The following SMUG1 variants were observed in gnomAD, a reference collection of about 807,000 sequenced individuals.
The protein encoded by SMUG1 is single-strand-selective monofunctional uracil-DNA glycosylase 1, also known as single-strand selective monofunctional uracil DNA glycosylase.
A neutral mutation model predicts 23.9 loss-of-function variants in SMUG1; 13 were observed. The ratio of observed to expected loss-of-function variants is 0.54; its 90% confidence interval spans 0.35 to 0.86. The LOEUF (loss-of-function observed/expected upper bound fraction) is 0.86. SMUG1 is among the 40% of genes least tolerant of loss of function. The pLI is 0.01. For missense variants in SMUG1, 313 were observed against 339.5 expected, an observed-to-expected ratio of 0.92 and a Z score of 0.61; for synonymous variants, 133 against 139.8, an observed-to-expected ratio of 0.95 and a Z score of 0.34.
chr12:54,182,392 T>A lies in SMUG1; in HGVS notation c.517A>T (p.Ser173Cys), dbSNP rs777923361. Residue 173 changes from serine (S) to cysteine (C), a missense_variant, in exon 4 of 4, where the codon AGC becomes TGC. Physicochemically the swap from Ser to Cys is moderately radical, Grantham distance 112. Transcript: ENST00000682136. ...TCAGCAGGAGTAAGGTTGCGCCCGC[T>A]GGGAGCCAGGAAAAGCAGAGGGCAT... ...NLCPLLFLAP[S>C]GRNLTPAELP... 1.2e-6 allele frequency: 2 copies of A among 1,614,146 alleles called. No individual in the cohort carries two copies. Among genetic ancestry groups the A allele is most frequent in the South Asian group, 2.2e-5 (2 of 91,084 alleles).
chr12:54,188,276 TAATAATAATAATAATAATAAATAATAATA>T (rs1942945747), intron 1 of SMUG1, among the ~76,000 whole-genome samples: 2 of 29,630 alleles, frequency 6.7e-5, no homozygotes, highest in Admixed American at 7.4e-4. Context: ...GAAATAATAA[TAATAATAATAATAATAATAAATAATAATA>T]ATAATAATAA....
chr12:54,160,767 T>C (rs1940227608), downstream of SMUG1, among the ~76,000 whole-genome samples: 1 of 152,214 alleles, frequency 6.6e-6, no homozygotes, highest in Non-Finnish European at 1.5e-5. Context: ...CCTTTTCTGT[T>C]ACCCCAACCT....
In SMUG1 at chr12:54,183,822, G is replaced by C; in HGVS notation, c.119C>G (p.Ala40Gly). ...CGAAAACTGCAGCTGGCTCAGCTCA[G>C]CATTGAGCCGAAGCTCCTCCTCCAG... is the stretch of plus-strand genomic sequence containing the variant. Reference protein sequence around the residue: ...SFLEEELRLNAELSQLQFSEP... With the variant: ...SFLEEELRLNGELSQLQFSEP... The change falls in exon 3 of 4, where the codon GCT (alanine) becomes GGT (glycine). Residue 40 changes from alanine to glycine, a missense_variant. Ala to Gly is a moderately conservative substitution (Grantham distance 60). Transcript: ENST00000682136. The C allele has an allele frequency of 1.9e-6, 3 of 1,614,042 alleles. No individual in the cohort carries two copies. Among genetic ancestry groups the C allele is most frequent in the Non-Finnish European group, 2.5e-6 (3 of 1,179,974 alleles).
chr12:54,158,845 T>C (rs1940131337), intron 4 of SMUG1, among the ~76,000 whole-genome samples: 2 of 152,144 alleles, frequency 1.3e-5, no homozygotes, highest in Admixed American at 1.3e-4. Flanking sequence ...ATAAAAAGCT[T>C]TCCAAACCTC....
chr12:54,161,064 C>G (rs532140441), downstream of SMUG1, among the ~76,000 whole-genome samples: 1 of 152,296 alleles, frequency 6.6e-6, no homozygotes, highest in East Asian at 1.9e-4. The surrounding 1 kb of genome is among the most constrained non-coding windows in gnomAD (Gnocchi z 4.2). Context: ...TCCCACCAGC[C>G]TCCACTGTCC....
chr12:54,174,781 G>A (rs747211433), intron 2 of SMUG1, among the ~76,000 whole-genome samples: 1 of 152,226 alleles, frequency 6.6e-6, no homozygotes, highest in Admixed American at 6.5e-5. Flanking sequence ...GTCCTTGAAT[G>A]AGATGTAGGG....
At chr12:54,169,102 T>C (rs1485693971) in intron 3 of SMUG1, among the ~76,000 whole-genome samples, 1 of 151,936 alleles carries the variant, frequency 6.6e-6, no homozygotes, top group Non-Finnish European at 1.5e-5. Flanking sequence ...AGAAGACAGG[T>C]CACATCTGGG....
chr12:54,173,473 C>T (rs1196379059), intron 2 of SMUG1, among the ~76,000 whole-genome samples: 1 of 152,066 alleles, frequency 6.6e-6, no homozygotes, highest in Non-Finnish European at 1.5e-5. Flanking sequence ...GCGGGCGCGG[C>T]GCCGGGAGCT....
chr12:54,183,627 C>G, intron 3 of SMUG1, 29 bp downstream of exon 3: 1 of 1,611,046 alleles, frequency 6.2e-7, no homozygotes, highest in Non-Finnish European at 8.5e-7. Flanking sequence ...ACCCCCCACT[C>G]CACCCACTGG....
Position 54,181,862 on chromosome 12 carries a change from G to A in SMUG1, c.*234C>T, listed in dbSNP as rs543989443. 7.6e-4 allele frequency: 1,078 copies of A among 1,422,148 alleles called. 1 individual carries two copies. The highest frequency in any genetic ancestry group is 9.2e-4 in the Non-Finnish European group (1,011 of 1,093,852). 88.1% of individuals were successfully genotyped at this position (1,422,148 alleles called of 1,614,324 possible). On this transcript the variant is annotated 3_prime_UTR_variant, in exon 4 of 4. Coordinates refer to ENST00000682136, the MANE Select transcript of SMUG1 (RefSeq NM_001243787.2). ...GATTCCCTACAAAGTGGGGTCCCCT[G>A]AAAGGGGCAATGTTAAAAGGTAAAG...
intron 2 of SMUG1, among the ~76,000 whole-genome samples, chr12:54,173,494 A>C (rs998774647): frequency 3.9e-5 from 6 of 152,198 alleles, no homozygotes; most frequent in Non-Finnish European, 8.8e-5. Flanking sequence ...GGCTCGTAAA[A>C]GCCGCGTCGA....
intron 3 of SMUG1, among the ~76,000 whole-genome samples, chr12:54,166,360 CATAAATAAATAG>C (rs756006994): frequency 2.6e-5 from 4 of 152,064 alleles, no homozygotes; most frequent in Non-Finnish European, 4.4e-5. Context: ...GACTGTGTCA[CATAAATAAATAG>C]ATAAATAAAT....
chr12:54,188,295 AAATAATAAT>A (rs757369651), intron 1 of SMUG1, among the ~76,000 whole-genome samples: 2,260 of 68,830 alleles, frequency 0.033, 24 homozygotes, highest in Non-Finnish European at 0.039. Context: ...TAATAATAAT[AAATAATAAT>A]AATAATAATA....
At chr12:54,182,835 G>A (rs761878460) in intron 3 of SMUG1, 1 of 1,002,888 alleles carries the variant, frequency 1.0e-6, no homozygotes, top group African/African-American at 1.6e-5. Context: ...TGGTCCAGAA[G>A]AATTTGTTTC....
chr12:54,162,965 A>G (rs1940319674), downstream of SMUG1, among the ~76,000 whole-genome samples: 1 of 152,186 alleles, frequency 6.6e-6, no homozygotes. Context: ...GATGGGCCGG[A>G]ACGAGGGAGC....
At chr12:54,176,677 G>C (rs61921387), downstream of SMUG1, among the ~76,000 whole-genome samples, 2 of 13,244 alleles carry the variant, frequency 1.5e-4, no homozygotes, top group South Asian at 6.3e-3. Flanking sequence ...CGTGGTAGCG[G>C]GCGCCTGTAG....
downstream of SMUG1, among the ~76,000 whole-genome samples, chr12:54,176,507 T>TCC (rs74743496): frequency 1.1e-4 from 7 of 64,474 alleles, 2 homozygotes; most frequent in South Asian, 1.4e-3. Flanking sequence ...GAAGATCCTG[T>TCC]CCCCCCCCAA....
intron 4 of SMUG1, among the ~76,000 whole-genome samples, chr12:54,158,600 T>C (rs898476165): frequency 6.6e-6 from 1 of 152,076 alleles, no homozygotes; most frequent in Non-Finnish European, 1.5e-5. Flanking sequence ...AGTTCCATCA[T>C]CTTTACAATC....
rs962287041 is a variant in SMUG1, at chr12:54,172,386, G to T, written c.399-277C>A. ...CCGGGAAACTCTTACCCGGAAATCT[G>T]TATGCCACGTAGCATCTGCTAAACT... On this transcript the variant is annotated intron_variant and NMD_transcript_variant, in intron 2 of 4. Transcript: ENST00000509864. 38 of 256,084 alleles carry T rather than the reference G, an allele frequency of 1.5e-4. 1 individual carries two copies. In the Admixed American group the frequency reaches 1.6e-3, roughly 11 times the overall value. 15.9% of individuals were successfully genotyped at this position (256,084 alleles called of 1,614,324 possible).
Sources: gnomAD v4.1 joint callset for allele counts (sites outside exome capture counted in the v4.1 genomes callset) on GRCh38, gnomAD v4.1.1 for gene constraint, Gnocchi (gnomAD v3.1) non-coding constraint, MANE v1.5 for transcripts, NCBI Gene and HGNC (gene_info 2026-07-23, HGNC 2026-07-21) for gene names.